LGR6: variants seen among roughly 807,000 people sequenced by gnomAD.
LGR6 encodes leucine rich repeat containing G protein-coupled receptor 6.
In LGR6, 45 loss-of-function variants were observed where a neutral mutation model predicts 69.4. The observed-to-expected ratio is 0.65, with a 90% CI of 0.51 to 0.83. LGR6 has a LOEUF of 0.83. LGR6 is among the 40% of genes least tolerant of loss of function. LGR6 has a pLI of 0.00. For synonymous variants in LGR6, 538 were observed against 555.0 expected (o/e 0.97, Z 0.43); for missense variants, 1,108 against 1,246.7 (o/e 0.89, Z 1.68).
intron 4 of LGR6, 102 bp from the exon 5 acceptor site, chr1:202,276,204 G>T (rs1248333749): frequency 1.2e-6 from 1 of 855,970 alleles, no homozygotes; most frequent in Non-Finnish European, 1.9e-6. Context: ...GTCCCAGGGA[G>T]CCTCAAAGGC....
At position 202,276,401 on chromosome 1, in the gene LGR6, C is replaced by T. The variant is rs760539969; in HGVS notation, c.524C>T (p.Thr175Met). 2.0e-5 allele frequency: 33 copies of T among 1,614,048 alleles called. No individual in the cohort carries two copies. The highest frequency in any genetic ancestry group is 2.6e-5 in the Non-Finnish European group (31 of 1,180,004). ...CTCTGGCTGGACGACAATGCACTCA[C>T]GGAGATCCCTGTCAGGGCCCTCAAC... ...RHLWLDDNAL[T>M]EIPVRALNNL... The change falls in exon 5 of 18, where the codon ACG (threonine) becomes ATG (methionine). Residue 175 changes from threonine (T) to methionine (M), a missense_variant. Coordinates refer to ENST00000367278, the MANE Select transcript of LGR6 (RefSeq NM_001017403.2).
chr1:202,269,807 T>C (rs1242898798), intron 4 of LGR6, among the ~76,000 whole-genome samples: 5 of 152,222 alleles, frequency 3.3e-5, no homozygotes, highest in African/African-American at 9.6e-5. Context: ...TTTCCCTTGC[T>C]TTCCTCGCCT....
chr1:202,211,670 T>C (rs935777671), intron 1 of LGR6, among the ~76,000 whole-genome samples: 1 of 152,206 alleles, frequency 6.6e-6, no homozygotes, highest in Non-Finnish European at 1.5e-5. Context: ...CCAGAGTTTG[T>C]TTTTTTAAAC....
chr1:202,319,307 GT>G lies in LGR6; in HGVS notation c.*101del. 1 of 1,314,286 alleles carries G rather than the reference GT, an allele frequency of 7.6e-7. No individual in the cohort carries two copies. The highest frequency in any genetic ancestry group is 1.0e-6 in the Non-Finnish European group (1 of 978,992). 81.4% of individuals were successfully genotyped at this position (1,314,286 alleles called of 1,614,324 possible). A position where few individuals can be genotyped will look rare whatever the true frequency, so the allele number is the denominator to read the frequency against. On this transcript the variant is annotated 3_prime_UTR_variant, in exon 18 of 18. Transcript: ENST00000367278. ...AAACAAATACAACCAAAACTCAGCAGTGTGATCTATAGCAGGATGGCCCAGT... is the reference window on the plus strand; with the variant it reads ...AAACAAATACAACCAAAACTCAGCAGGTGATCTATAGCAGGATGGCCCAGT...
intron 6 of LGR6, among the ~76,000 whole-genome samples, chr1:202,295,145 T>C (rs777160467): frequency 1.6e-4 from 25 of 152,124 alleles, no homozygotes; most frequent in Non-Finnish European, 3.2e-4. Flanking sequence ...CTGAGCAACA[T>C]GGTGAAACCC....
chr1:202,283,677 C>T (rs575549059), intron 6 of LGR6, among the ~76,000 whole-genome samples: 59 of 152,332 alleles, frequency 3.9e-4, no homozygotes, highest in African/African-American at 1.4e-3. Flanking sequence ...CATGCACACA[C>T]GTGGTCACAC....
At chr1:202,240,969 T>C (rs1442842950) in intron 4 of LGR6, among the ~76,000 whole-genome samples, 1 of 152,148 alleles carries the variant, frequency 6.6e-6, no homozygotes, top group East Asian at 1.9e-4. Context: ...CCCTCTCTAA[T>C]AATCACCGTC....
chr1:202,214,418 C>A (rs911042086), intron 1 of LGR6, among the ~76,000 whole-genome samples: 1 of 145,934 alleles, frequency 6.9e-6, no homozygotes, highest in Non-Finnish European at 1.5e-5. Context: ...AGCCATGGAG[C>A]GGGCGGCGCG....
chr1:202,307,656 C>G (rs1348925229), intron 14 of LGR6, among the ~76,000 whole-genome samples: 2 of 152,150 alleles, frequency 1.3e-5, no homozygotes, highest in Admixed American at 1.3e-4. Context: ...CCCTCCTCAT[C>G]CCCCCTGCCT....
Position 202,300,835 on chromosome 1 carries a change from G to T in LGR6, c.786-14G>T, listed in dbSNP as rs765967561. ...TTCTCCAAATCCTCACTGGTTCCTG[G>T]TGTTGTCTTCCAGGGGGTTCCATAA... is the stretch of plus-strand genomic sequence containing the variant. On this transcript the variant is annotated splice_polypyrimidine_tract_variant and intron_variant, in intron 7 of 17. Transcript: ENST00000367278. 1.3e-6 allele frequency: 2 copies of T among 1,597,664 alleles called. No homozygotes were observed. The highest frequency in any genetic ancestry group is 1.7e-6 in the Non-Finnish European group (2 of 1,171,608).
At chr1:202,308,943 C>T (rs577419446) in intron 14 of LGR6, 108 bp from the exon 15 acceptor site, 1 of 1,360,010 alleles carries the variant, frequency 7.4e-7, no homozygotes, top group Non-Finnish European at 1.0e-6. Flanking sequence ...GTCCTTTGCT[C>T]CTCTCCTCTT....
intron 1 of LGR6, among the ~76,000 whole-genome samples, chr1:202,223,496 A>G (rs4950836): frequency 0.32 from 48,453 of 151,854 alleles, 8,750 homozygotes; most frequent in Non-Finnish European, 0.41. Context: ...GCAGACACTG[A>G]GGTTTGAGGG....
At chr1:202,242,161 T>C (rs1662262856) in intron 4 of LGR6, among the ~76,000 whole-genome samples, 1 of 152,108 alleles carries the variant, frequency 6.6e-6, no homozygotes, top group African/African-American at 2.4e-5. Context: ...TCTCATTTAA[T>C]CCCCAAAGCC....
chr1:202,293,812 C>T (rs899683597), intron 6 of LGR6, among the ~76,000 whole-genome samples: 6 of 152,182 alleles, frequency 3.9e-5, no homozygotes, highest in Non-Finnish European at 8.8e-5. Flanking sequence ...TATTCTTTCC[C>T]ATTTCTCGAC....
Position 202,268,062 on chromosome 1 carries a change from G to A in LGR6, c.429-8244G>A, listed in dbSNP as rs1028638684. 8.5e-5 allele frequency among the ~76,000 whole-genome samples: 13 copies of A among 152,146 alleles called. No individual in the cohort carries two copies. The highest frequency in any genetic ancestry group is 1.4e-4 in the African/African-American group (6 of 41,426). ...GAGGCTGGGAGGGGTGTCAGTCCGC[G>A]GGAAGGCAGAAGCTCATGAGCATCC... On this transcript the variant is annotated intron_variant, in intron 4 of 17. Transcript: ENST00000367278. This position sits in a 1 kb window ranked among gnomAD's most constrained non-coding sequence, Gnocchi z 4.4.
chr1:202,276,153 AGGCG>A, intron 4 of LGR6, 149 bp from the exon 5 acceptor site: 2 of 609,858 alleles, frequency 3.3e-6, no homozygotes, highest in Non-Finnish European at 2.9e-6. Flanking sequence ...GAACTCGAAG[AGGCG>A]GGATACAGGA....
chr1:202,290,138 T>C (rs1666689246), intron 6 of LGR6, among the ~76,000 whole-genome samples: 1 of 152,244 alleles, frequency 6.6e-6, no homozygotes, highest in Non-Finnish European at 1.5e-5. Context: ...TATTTGAACA[T>C]CTACTCTGTG....
At chr1:202,205,313 CACCTCCAAACACACACACACCTA>C (rs1659127733) in intron 1 of LGR6, among the ~76,000 whole-genome samples, 1 of 5,030 alleles carries the variant, frequency 2.0e-4, no homozygotes, top group Non-Finnish European at 4.9e-4. Context: ...CACACACACG[CACCTCCAAACACACACACACCTA>C]ACACACCTCC....
rs538931683 is a variant in LGR6, at chr1:202,215,918, G to A, written c.213-9505G>A. Among the ~76,000 whole-genome samples, 3 of 149,896 alleles carry A rather than the reference G, an allele frequency of 2.0e-5. No homozygotes were observed. In the South Asian group the frequency reaches 6.3e-4, roughly 31 times the overall value. ...TGTGACTGAACCTGCAGAGATCAGA[G>A]TCAAAAGGCCAAAGGGATTAGTCTG... On this transcript the variant is annotated intron_variant, in intron 1 of 17. Coordinates refer to ENST00000367278, the MANE Select transcript of LGR6 (RefSeq NM_001017403.2).
Sources: gnomAD v4.1 joint callset for allele counts (sites outside exome capture counted in the v4.1 genomes callset) on GRCh38, gnomAD v4.1.1 for gene constraint, Gnocchi (gnomAD v3.1) non-coding constraint, MANE v1.5 for transcripts, NCBI Gene and HGNC (gene_info 2026-07-23, HGNC 2026-07-21) for gene names.